VIPR2: variants seen among roughly 807,000 people sequenced by gnomAD.
The protein encoded by VIPR2 is vasoactive intestinal peptide receptor 2.
VIPR2 carries 48 observed loss-of-function variants against 58.0 expected under a neutral mutation model. That is an observed-to-expected ratio of 0.83 (90% CI 0.66 to 1.05). The LOEUF (loss-of-function observed/expected upper bound fraction) is 1.05. Ranked by LOEUF, VIPR2 falls within the 50% of genes least tolerant of loss-of-function variation. The pLI, the probability that VIPR2 is intolerant of heterozygous loss-of-function variation, is 0.00. For missense variants in VIPR2, 534 were observed against 558.0 expected (o/e 0.96, Z 0.43); for synonymous variants, 243 against 235.2 (o/e 1.03, Z -0.30).
At chr7:159,090,594 C>T (rs1857434740) in intron 4 of VIPR2, among the ~76,000 whole-genome samples, 1 of 130,982 alleles carries the variant, frequency 7.6e-6, no homozygotes, top group Non-Finnish European at 1.6e-5. Context: ...TCCCCGGTGA[C>T]CTCAGCACAG....
chr7:159,091,035 C>T (rs553799767), intron 4 of VIPR2, among the ~76,000 whole-genome samples: 10 of 152,170 alleles, frequency 6.6e-5, no homozygotes, highest in African/African-American at 2.4e-4. Flanking sequence ...ACAGGGGCCA[C>T]CTCTTGTGAC....
chr7:159,102,821 G>A (rs965125291), intron 4 of VIPR2, among the ~76,000 whole-genome samples: 29 of 152,188 alleles, frequency 1.9e-4, no homozygotes, highest in Middle Eastern at 3.4e-3. Context: ...TGTGGGGAGC[G>A]CGATACTTCC....
chr7:159,118,287 T>C (rs1387755317), intron 2 of VIPR2, among the ~76,000 whole-genome samples: 28 of 152,208 alleles, frequency 1.8e-4, no homozygotes, highest in Admixed American at 1.3e-3. Flanking sequence ...TTCCTGGAGA[T>C]AGCCACGAGG....
At chr7:159,090,352 G>A (rs1371061081) in intron 4 of VIPR2, among the ~76,000 whole-genome samples, 2 of 45,306 alleles carry the variant, frequency 4.4e-5, no homozygotes, top group Non-Finnish European at 3.7e-5. Context: ...TGGGACCCAC[G>A]CACAGGGGCC....
At chr7:159,090,504 G>A (rs1422392322) in intron 4 of VIPR2, among the ~76,000 whole-genome samples, 1 of 73,722 alleles carries the variant, frequency 1.4e-5, no homozygotes, top group African/African-American at 8.9e-5. Flanking sequence ...GCCACCTCCT[G>A]CGACCATTGC....
chr7:159,091,706 C>T (rs991874866), intron 4 of VIPR2, among the ~76,000 whole-genome samples: 3 of 152,162 alleles, frequency 2.0e-5, no homozygotes, highest in Admixed American at 6.5e-5. Context: ...GAGCACTGGT[C>T]GGTGCCACAG....
At chr7:159,122,406 G>A (rs1050571613) in intron 2 of VIPR2, among the ~76,000 whole-genome samples, 1 of 152,212 alleles carries the variant, frequency 6.6e-6, no homozygotes, top group African/African-American at 2.4e-5. Context: ...TCTCTCTTTG[G>A]GGTCTGGACG....
At position 159,098,239 on chromosome 7, in the gene VIPR2, T is replaced by G. The variant is rs1185248121; in HGVS notation, c.357+5518A>C. 6.6e-6 allele frequency among the ~76,000 whole-genome samples: 1 copy of G among 152,158 alleles called. No homozygotes were observed. Among genetic ancestry groups the G allele is most frequent in the African/African-American group, 2.4e-5 (1 of 41,448 alleles). ...GGGTGGTCGGGCCCCAGCACACGGC[T>G]CGGGGAGCCTCCCACACTTGGTGAT... On this transcript the variant is annotated intron_variant, in intron 4 of 12. Transcript: ENST00000262178. This position sits in a 1 kb window ranked among gnomAD's most constrained non-coding sequence, Gnocchi z 5.2.
intron 1 of VIPR2, among the ~76,000 whole-genome samples, chr7:159,143,385 A>G (rs1450261986): frequency 6.9e-6 from 1 of 144,054 alleles, no homozygotes; most frequent in Non-Finnish European, 1.5e-5. Flanking sequence ...CCCACCACCG[A>G]CCAAAATTCT....
intron 2 of VIPR2, among the ~76,000 whole-genome samples, chr7:159,124,478 G>T (rs1198271237): frequency 6.6e-6 from 1 of 152,026 alleles, no homozygotes; most frequent in African/African-American, 2.4e-5. Flanking sequence ...TTATTTCTGG[G>T]TTCTCTATTC....
intron 5 of VIPR2, among the ~76,000 whole-genome samples, chr7:159,056,563 A>G (rs1855339425): frequency 6.6e-6 from 1 of 152,082 alleles, no homozygotes; most frequent in Admixed American, 6.5e-5. Flanking sequence ...ACTCCCCTAC[A>G]AAGCTGGTCC....
At position 159,030,172 on chromosome 7, in the gene VIPR2, T is replaced by C. The variant is rs1965615; in HGVS notation, c.*444A>G. The C allele has an allele frequency of 0.018, 2,891 of 156,302 alleles. 89 individuals carry two copies. The highest frequency in any genetic ancestry group is 0.062 in the African/African-American group (2,525 of 40,654). 9.7% of individuals were successfully genotyped at this position (156,302 alleles called of 1,614,324 possible). ...CATCCTGGCTAACATGGTGAAACCCTGTCTCTACTAAAAATACAAAAAATT... is the reference window on the plus strand; with the variant it reads ...CATCCTGGCTAACATGGTGAAACCCCGTCTCTACTAAAAATACAAAAAATT... On this transcript the variant is annotated 3_prime_UTR_variant, in exon 13 of 13. Transcript: ENST00000262178.
chr7:159,085,214 T>G (rs1358529192), intron 4 of VIPR2, among the ~76,000 whole-genome samples: 1 of 152,214 alleles, frequency 6.6e-6, no homozygotes, highest in Non-Finnish European at 1.5e-5. Flanking sequence ...AACGAATTCA[T>G]GCAGTTATGG....
intron 2 of VIPR2, among the ~76,000 whole-genome samples, chr7:159,111,973 C>T (rs559712339): frequency 3.9e-4 from 60 of 151,948 alleles, no homozygotes; most frequent in African/African-American, 1.3e-3. Context: ...ATCATGGCAC[C>T]GCACTCCAGC....
Position 159,028,379 on chromosome 7 carries a change from ATG to A in VIPR2, c.*2235_*2236del, listed in dbSNP as rs1304344294. The A allele has an allele frequency of 6.6e-6, 1 of 152,580 alleles. No individual in the cohort carries two copies. Among genetic ancestry groups the A allele is most frequent in the East Asian group, 1.9e-4 (1 of 5,210 alleles). 9.5% of individuals were successfully genotyped at this position (152,580 alleles called of 1,614,324 possible). A position where few individuals can be genotyped will look rare whatever the true frequency, so the allele number is the denominator to read the frequency against. On this transcript the variant is annotated 3_prime_UTR_variant, in exon 13 of 13. Coordinates refer to ENST00000262178, the MANE Select transcript of VIPR2 (RefSeq NM_003382.5). Reference sequence around the variant, plus strand: ...AGTCAGCTCCGCTGAACAGTGGCACATGTGCGGTTGAGGGGAGATTGTCCCCT... The same window carrying A: ...AGTCAGCTCCGCTGAACAGTGGCACATGCGGTTGAGGGGAGATTGTCCCCT...
chr7:159,101,291 T>C (rs1381200721), intron 4 of VIPR2, among the ~76,000 whole-genome samples: 1 of 148,242 alleles, frequency 6.7e-6, no homozygotes. Flanking sequence ...CGACTGTTCC[T>C]GTGATAGTGA....
chr7:159,063,834 T>A (rs1446332743), intron 4 of VIPR2, among the ~76,000 whole-genome samples: 29 of 65,862 alleles, frequency 4.4e-4, no homozygotes, highest in African/African-American at 1.7e-3. Flanking sequence ...CCGGGGGTCC[T>A]GGTGGGGTCT....
intron 2 of VIPR2, among the ~76,000 whole-genome samples, chr7:159,132,799 TCA>T (rs1434694667): frequency 6.1e-5 from 8 of 130,082 alleles, no homozygotes; most frequent in Non-Finnish European, 1.1e-4. Context: ...CAGACTGATT[TCA>T]GACAGAATGA....
intron 2 of VIPR2, among the ~76,000 whole-genome samples, chr7:159,121,701 C>T (rs1012140058): frequency 2.0e-5 from 3 of 152,080 alleles, no homozygotes; most frequent in Admixed American, 6.5e-5. Flanking sequence ...GTTAAATGCC[C>T]CATTTGTAAT....
Sources: allele counts gnomAD v4.1 joint callset (sites outside exome capture counted in the v4.1 genomes callset), GRCh38; gene constraint gnomAD v4.1.1; non-coding constraint Gnocchi (gnomAD v3.1); transcripts MANE v1.5; gene names NCBI Gene and HGNC (gene_info 2026-07-23, HGNC 2026-07-21).